NLRP12: variants seen among roughly 807,000 people sequenced by gnomAD.
NLRP12 encodes NLR family pyrin domain containing 12.
Under a neutral mutation model 91.2 loss-of-function variants are expected in NLRP12, and 108 were observed. That is an observed-to-expected ratio of 1.18 (90% CI 1.01 to 1.39). The LOEUF (loss-of-function observed/expected upper bound fraction) is 1.39, where lower values mean the gene tolerates loss of function less well. Among genes scored for constraint, NLRP12 ranks in the 40% most tolerant of loss-of-function variants. NLRP12 has a pLI of 0.00. For synonymous variants in NLRP12, 613 were observed against 566.7 expected, an observed-to-expected ratio of 1.08 and a Z score of -1.16; for missense variants, 1,530 against 1,352.7, an observed-to-expected ratio of 1.13 and a Z score of -2.06.
chr19:53,796,023 A>C lies in NLRP12; in HGVS notation c.2934T>G (p.Asp978Glu). The change falls in exon 9 of 10, where the codon GAT (aspartate) becomes GAG (glutamate). Residue 978 changes from aspartate to glutamate, a missense_variant. Asp to Glu is a conservative substitution (Grantham distance 45, BLOSUM62 2). Transcript: ENST00000324134. ...PACRLQKLWL[D>E]SCGLTAKACE... ...AAGCCTTGGCTGTGAGGCCACAGCT[A>C]TCCAGCCTGGTGAAGATAAGGAGTT... 1 of 1,614,090 alleles carries C rather than the reference A, an allele frequency of 6.2e-7. No homozygotes were observed. Among genetic ancestry groups the C allele is most frequent in the Non-Finnish European group, 8.5e-7 (1 of 1,179,964 alleles).
At position 53,811,038 on chromosome 19, in the gene NLRP12, G is replaced by A. The variant is rs756994640; in HGVS notation, c.621C>T (p.Pro207=). The A allele has an allele frequency of 3.1e-6, 5 of 1,612,664 alleles. No individual in the cohort carries two copies. Among genetic ancestry groups the A allele is most frequent in the African/African-American group, 1.3e-5 (1 of 74,898 alleles). ...ETLFEPDEER[P]EPPRTVVMQG... ...GCATGACCACGGTGCGCGGTGGCTC[G>A]GGGCGCTCCTCGTCTGGCTCAAAGA... The change falls in exon 3 of 10, where the codon CCC becomes CCT. Residue 207 remains proline (P), a synonymous_variant. Coordinates refer to ENST00000324134, the MANE Select transcript of NLRP12 (RefSeq NM_144687.4).
intron 2 of NLRP12, among the ~76,000 whole-genome samples, chr19:53,811,983 T>C (rs2092084081): frequency 1.3e-5 from 2 of 152,020 alleles, no homozygotes; most frequent in Non-Finnish European, 2.9e-5. Flanking sequence ...ACGCCTGTAA[T>C]CCCAGCACTT....
chr19:53,820,867 A>C (rs533578325), intron 1 of NLRP12, among the ~76,000 whole-genome samples: 2 of 151,232 alleles, frequency 1.3e-5, no homozygotes, highest in South Asian at 4.2e-4. Context: ...TTTTGTAAAA[A>C]ATAAAAATAT....
intron 7 of NLRP12, 137 bp downstream of exon 7, chr19:53,801,090 G>A (rs2091861448): frequency 1.3e-6 from 1 of 757,384 alleles, no homozygotes; most frequent in African/African-American, 1.8e-5. Context: ...CTACTTGGGA[G>A]TCTCAAAAAA....
At position 53,809,643 on chromosome 19, in the gene NLRP12, C is replaced by A. The variant is rs763465849; in HGVS notation, c.2016G>T (p.Ala672=). 1.9e-6 allele frequency: 3 copies of A among 1,613,736 alleles called. No homozygotes were observed. Among genetic ancestry groups the A allele is most frequent in the East Asian group, 2.2e-5 (1 of 44,874 alleles). ...VLHLYGATYS[A]DGEDRARCSA... ...AGCACCTCGCGCGGTCTTCCCCGTC[C>A]GCGCTGTAGGTGGCGCCATACAAGT... is the stretch of plus-strand genomic sequence containing the variant. The change falls in exon 3 of 10, where the codon GCG becomes GCT. Residue 672 remains alanine, a synonymous_variant. Transcript: ENST00000324134.
chr19:53,820,258 A>C (rs10406991), intron 1 of NLRP12, among the ~76,000 whole-genome samples: 1 of 151,930 alleles, frequency 6.6e-6, no homozygotes, highest in African/African-American at 2.4e-5. Context: ...AGCAGGGTGC[A>C]GTGGCTCACG....
intron 2 of NLRP12, among the ~76,000 whole-genome samples, chr19:53,813,623 C>T (rs1054673039): frequency 1.3e-5 from 2 of 151,674 alleles, no homozygotes; most frequent in Non-Finnish European, 1.5e-5. Context: ...GTTCTACTTT[C>T]CGCCTCTGAA....
chr19:53,812,538 C>T (rs1473937897), intron 2 of NLRP12, among the ~76,000 whole-genome samples: 1 of 151,952 alleles, frequency 6.6e-6, no homozygotes, highest in Non-Finnish European at 1.5e-5. Flanking sequence ...GTACTACTGC[C>T]ACATAGTGGA....
At chr19:53,823,413 ATG>A (rs1285567020) in intron 1 of NLRP12, among the ~76,000 whole-genome samples, 15 of 104,300 alleles carry the variant, frequency 1.4e-4, no homozygotes, top group African/African-American at 5.3e-4. Flanking sequence ...TTTAAAATAT[ATG>A]TTTTAAATAT....
intron 1 of NLRP12, among the ~76,000 whole-genome samples, chr19:53,819,833 GAA>G (rs1186672081): frequency 6.7e-6 from 1 of 149,274 alleles, no homozygotes; most frequent in Non-Finnish European, 1.5e-5. Context: ...AAGGGAAAGA[GAA>G]AAAGAGAGGA....
At chr19:53,816,212 G>A (rs1044384776) in intron 1 of NLRP12, among the ~76,000 whole-genome samples, 1 of 151,988 alleles carries the variant, frequency 6.6e-6, no homozygotes, top group African/African-American at 2.4e-5. Context: ...TTCCCACCTG[G>A]CTAGTTCTCC....
chr19:53,813,299 C>CTTTTTTTTTTTTTTTTTTTTTTTTTTTTT (rs1160039078), intron 2 of NLRP12, among the ~76,000 whole-genome samples: 1 of 86,034 alleles, frequency 1.2e-5, no homozygotes, highest in African/African-American at 4.8e-5. Context: ...TTTTTCTTTT[C>CTTTTTTTTTTTTTTTTTTTTTTTTTTTTT]TTTTTTTTTT....
At chr19:53,823,151 GTATATA>G (rs534661992) in intron 1 of NLRP12, among the ~76,000 whole-genome samples, 7 of 15,194 alleles carry the variant, frequency 4.6e-4, no homozygotes, top group Non-Finnish European at 9.5e-4. Flanking sequence ...ATACGTGTGT[GTATATA>G]TATATAAATT....
chr19:53,796,786 C>A lies in NLRP12; in HGVS notation c.2928-757G>T, dbSNP rs138113618. ...CCGAGGCAGGCAGATCACCTGAGGT[C>A]GGGAGTTCAAGACCAGCCTGACCAA... is the stretch of plus-strand genomic sequence containing the variant. On this transcript the variant is annotated intron_variant, in intron 8 of 9. Coordinates refer to ENST00000324134, the MANE Select transcript of NLRP12 (RefSeq NM_144687.4). Among the ~76,000 whole-genome samples, 1,447 of 151,920 alleles carry A rather than the reference C, an allele frequency of 9.5e-3. 18 individuals are homozygous for A. Among genetic ancestry groups the A allele is most frequent in the African/African-American group, 0.032 (1,323 of 41,524 alleles).
chr19:53,824,378 C>G, upstream of NLRP12: 2 of 594,766 alleles, frequency 3.4e-6, no homozygotes, highest in Non-Finnish European at 6.0e-6. Flanking sequence ...CCCTCCTGCC[C>G]TGCCCCACTC....
chr19:53,823,473 A>G (rs190929961), intron 1 of NLRP12, among the ~76,000 whole-genome samples: 57 of 104,630 alleles, frequency 5.4e-4, no homozygotes, highest in African/African-American at 1.9e-3. Flanking sequence ...ATATATATTT[A>G]AAATATATAT....
chr19:53,814,851 G>A, intron 2 of NLRP12, 57 bp downstream of exon 2: 4 of 1,439,098 alleles, frequency 2.8e-6, no homozygotes, highest in Non-Finnish European at 2.9e-6. Context: ...CCTACACTCC[G>A]TGGGGTCAGC....
At chr19:53,823,851 G>A in intron 1 of NLRP12, 35 bp downstream of exon 1, 2 of 1,612,048 alleles carry the variant, frequency 1.2e-6, no homozygotes, top group East Asian at 2.2e-5. Context: ...GACCCGGCTG[G>A]CATTCTAGCC....
intron 5 of NLRP12, among the ~76,000 whole-genome samples, chr19:53,804,591 T>TA: frequency 6.6e-6 from 1 of 150,910 alleles, no homozygotes; most frequent in South Asian, 2.1e-4. Flanking sequence ...GCATTTTTAG[T>TA]AGAGACGGGG....
Sources: gnomAD v4.1 joint callset for allele counts (sites outside exome capture counted in the v4.1 genomes callset) on GRCh38, gnomAD v4.1.1 for gene constraint, MANE v1.5 for transcripts, NCBI Gene and HGNC (gene_info 2026-07-23, HGNC 2026-07-21) for gene names.